NELL2: variants seen among roughly 807,000 people sequenced by gnomAD.
NELL2 encodes neural EGFL like 2.
A neutral mutation model predicts 109.6 loss-of-function variants in NELL2; 41 were observed. The observed-to-expected ratio is 0.37, with a 90% CI of 0.29 to 0.49. The LOEUF (loss-of-function observed/expected upper bound fraction) is 0.49, where lower values mean the gene tolerates loss of function less well. Ranked by LOEUF, NELL2 falls within the 20% of genes least tolerant of loss-of-function variation. The pLI is 0.98. For synonymous variants in NELL2, 355 were observed against 344.7 expected, an observed-to-expected ratio of 1.03 and a Z score of -0.33; for missense variants, 900 against 1,008.3, an observed-to-expected ratio of 0.89 and a Z score of 1.45.
rs927284306 is a variant in NELL2 at position 44,606,743 on chromosome 12, G to A, written c.1663+426C>T. Among the ~76,000 whole-genome samples the A allele has an allele frequency of 6.6e-5, 10 of 151,912 alleles. 1 individual carries two copies. The highest frequency in any genetic ancestry group is 6.6e-4 in the Admixed American group (10 of 15,240). On this transcript the variant is annotated intron_variant, in intron 15 of 19. Transcript: ENST00000429094. ...ATAATTATTAATGAATAATTAAAGGGCCAGATAAAAATTTATTAAAAATTC... is the reference window on the plus strand; with the variant it reads ...ATAATTATTAATGAATAATTAAAGGACCAGATAAAAATTTATTAAAAATTC...
At chr12:44,577,051 G>T (rs1297344617) in intron 15 of NELL2, among the ~76,000 whole-genome samples, 2 of 136,530 alleles carry the variant, frequency 1.5e-5, no homozygotes, top group Non-Finnish European at 3.1e-5. Context: ...AGTCCTTTGG[G>T]TATATACCCA....
intron 2 of NELL2, among the ~76,000 whole-genome samples, chr12:44,838,625 A>G (rs1944126787): frequency 1.3e-5 from 2 of 151,308 alleles, no homozygotes; most frequent in Admixed American, 1.3e-4. Flanking sequence ...TGCTGGATTA[A>G]CATATCTCTC....
intron 11 of NELL2, among the ~76,000 whole-genome samples, chr12:44,705,136 T>C (rs1191281275): frequency 6.6e-6 from 1 of 152,118 alleles, no homozygotes; most frequent in East Asian, 1.9e-4. Flanking sequence ...AAGTACTATA[T>C]TGGTTCATCT....
intron 9 of NELL2, among the ~76,000 whole-genome samples, chr12:44,740,850 T>C (rs1939917294): frequency 6.6e-6 from 1 of 152,176 alleles, no homozygotes; most frequent in African/African-American, 2.4e-5. Context: ...GCATATGTCA[T>C]GGAAACAGCA....
Position 44,604,312 on chromosome 12 carries a change from C to T in NELL2, c.1663+2857G>A, listed in dbSNP as rs751242869. 3.9e-5 allele frequency among the ~76,000 whole-genome samples: 6 copies of T among 152,138 alleles called. No homozygotes were observed. In the Middle Eastern group the frequency reaches 0.017, roughly 431 times the overall value. On this transcript the variant is annotated intron_variant, in intron 15 of 19. Transcript: ENST00000429094. ...AAGGAAGGAAAAGAGAAACACTGGG[C>T]TAGAAATCAGAAGACCCAAGTTCTA... is the stretch of plus-strand genomic sequence containing the variant.
chr12:44,644,231 C>T (rs537835333), intron 13 of NELL2, among the ~76,000 whole-genome samples: 2 of 152,138 alleles, frequency 1.3e-5, no homozygotes, highest in East Asian at 1.9e-4. Context: ...AATAGGCTTG[C>T]TTTTGTAAAA....
chr12:44,688,311 C>T (rs1305396295), intron 12 of NELL2, among the ~76,000 whole-genome samples: 1 of 152,076 alleles, frequency 6.6e-6, no homozygotes, highest in African/African-American at 2.4e-5. Context: ...TCTAAGAGTC[C>T]TGTTGTCTCT....
chr12:44,769,528 A>T (rs1256533701), intron 9 of NELL2, among the ~76,000 whole-genome samples: 2 of 152,144 alleles, frequency 1.3e-5, no homozygotes, highest in Admixed American at 1.3e-4. Context: ...AACTAGTATA[A>T]GCACTTTGGA....
At chr12:44,784,057 G>T (rs1024418794) in intron 3 of NELL2, among the ~76,000 whole-genome samples, 1 of 152,082 alleles carries the variant, frequency 6.6e-6, no homozygotes, top group South Asian at 2.1e-4. Flanking sequence ...ACAAAGGAAT[G>T]AAAATTATTT....
intron 1 of NELL2, among the ~76,000 whole-genome samples, chr12:44,910,831 A>G (rs1196694309): frequency 6.6e-6 from 1 of 151,876 alleles, no homozygotes; most frequent in Non-Finnish European, 1.5e-5. Context: ...TGGAGGCCAT[A>G]ATCCTTTTTT....
intron 9 of NELL2, among the ~76,000 whole-genome samples, chr12:44,771,850 C>A (rs1395079164): frequency 1.3e-5 from 2 of 152,154 alleles, no homozygotes; most frequent in African/African-American, 4.8e-5. Flanking sequence ...CCCAGAAATG[C>A]GCAAACAACT....
chr12:44,749,750 G>A (rs1940560698), intron 9 of NELL2, among the ~76,000 whole-genome samples: 1 of 152,154 alleles, frequency 6.6e-6, no homozygotes, highest in Non-Finnish European at 1.5e-5. Flanking sequence ...ACTGTGACAT[G>A]AGAAGAGAAG....
At chr12:44,577,294 C>A (rs1165354675) in intron 15 of NELL2, among the ~76,000 whole-genome samples, 1 of 121,356 alleles carries the variant, frequency 8.2e-6, no homozygotes, top group African/African-American at 3.3e-5. Flanking sequence ...CTCTGATGGC[C>A]AGTGATGATG....
intron 1 of NELL2, among the ~76,000 whole-genome samples, chr12:44,887,204 A>G (rs1208329175): frequency 6.6e-6 from 1 of 151,952 alleles, no homozygotes; most frequent in Non-Finnish European, 1.5e-5. Context: ...TGTTTTAGCA[A>G]TGAGATTTCA....
intron 15 of NELL2, among the ~76,000 whole-genome samples, chr12:44,568,510 G>T (rs924711937): frequency 1.3e-5 from 2 of 151,946 alleles, no homozygotes; most frequent in African/African-American, 4.8e-5. Flanking sequence ...TATTTTTACA[G>T]TTTATCATAT....
At chr12:44,897,428 T>C (rs906137204) in intron 1 of NELL2, among the ~76,000 whole-genome samples, 1 of 151,712 alleles carries the variant, frequency 6.6e-6, no homozygotes. Context: ...CCAATTCATC[T>C]CATTGGGACT....
intron 12 of NELL2, among the ~76,000 whole-genome samples, chr12:44,669,750 C>T (rs112850130): frequency 5.9e-5 from 9 of 152,068 alleles, no homozygotes; most frequent in African/African-American, 1.9e-4. Context: ...ATGAAGAAAG[C>T]CTAGGTGTCC....
chr12:44,644,586 A>ATATATATATATATGTATG lies in NELL2; in HGVS notation c.1444+20897_1444+20898insCATACATATATATATATA, dbSNP rs1848065415. Among the ~76,000 whole-genome samples, 82 of 98,038 alleles carry ATATATATATATATGTATG rather than the reference A, an allele frequency of 8.4e-4. 1 individual carries two copies. The highest frequency in any genetic ancestry group is 3.7e-3 in the African/African-American group (77 of 20,610). 64.3% of individuals were successfully genotyped at this position (98,038 alleles called of 152,430 possible). A position where few individuals can be genotyped will look rare whatever the true frequency, so the allele number is the denominator to read the frequency against. On this transcript the variant is annotated intron_variant, in intron 13 of 19. Coordinates refer to ENST00000429094, the MANE Select transcript of NELL2 (RefSeq NM_001145108.2). ...CTATACCAGACAAAGTAAAGTATAT[A>ATATATATATATATGTATG]TATATATATATATATATGTATGTAT...
intron 3 of NELL2, among the ~76,000 whole-genome samples, chr12:44,785,130 C>A (rs1257203530): frequency 6.6e-6 from 1 of 152,122 alleles, no homozygotes; most frequent in Non-Finnish European, 1.5e-5. Context: ...ATTTAGAAAA[C>A]CCCATCATCT....
Sources: gnomAD v4.1 joint callset for allele counts (sites outside exome capture counted in the v4.1 genomes callset) on GRCh38, gnomAD v4.1.1 for gene constraint, MANE v1.5 for transcripts, NCBI Gene and HGNC (gene_info 2026-07-23, HGNC 2026-07-21) for gene names.